The following ANK3 variants were observed in gnomAD, a reference collection of about 807,000 sequenced individuals.
ANK3 encodes the protein ankyrin 3.
In ANK3, 57 loss-of-function variants were observed where a neutral mutation model predicts 370.9. The ratio of observed to expected loss-of-function variants is 0.15; its 90% CI spans 0.12 to 0.19. The LOEUF (loss-of-function observed/expected upper bound fraction) is 0.19, where lower values mean the gene tolerates loss of function less well. Among genes scored for constraint, ANK3 ranks in the 10% least tolerant of loss-of-function variants. ANK3 has a pLI of 1.00. For missense variants in ANK3, 4,439 were observed against 5,302.1 expected (o/e 0.84, Z 5.06); for synonymous variants, 1,929 against 1,946.3 (o/e 0.99, Z 0.23).
In ANK3 at chr10:60,335,059, ACACCATGTTG is replaced by A. The variant is rs1312428199; in HGVS notation, c.114+54356_114+54365del. The stretch of plus-strand genomic sequence containing the variant: ...GGGGCTAGGTCCTCTATTTCAACTT[ACACCATGTTG>A]AGAAAATGGATTTTAAGAAAAATGT... On this transcript the variant is annotated intron_variant, in intron 1 of 43. Coordinates refer to ENST00000280772, the MANE Select transcript of ANK3 (RefSeq NM_020987.5). Among the ~76,000 whole-genome samples the A allele has an allele frequency of 3.3e-5, 5 of 152,106 alleles. No individual in the cohort carries two copies. In the East Asian group the frequency reaches 9.6e-4, roughly 29 times the overall value.
At chr10:60,662,608 T>C (rs1390585261) in intron 1 of ANK3, among the ~76,000 whole-genome samples, 7 of 152,190 alleles carry the variant, frequency 4.6e-5, no homozygotes, top group Admixed American at 3.3e-4. Context: ...AAGAAACATA[T>C]AAAATATACT....
intron 1 of ANK3, among the ~76,000 whole-genome samples, chr10:60,705,193 T>C (rs1004520177): frequency 3.9e-5 from 6 of 152,188 alleles, no homozygotes; most frequent in African/African-American, 1.4e-4. Context: ...TGTTGTCTTT[T>C]GAGTTAAGTG....
At chr10:60,040,537 A>C (rs185960519) in intron 43 of ANK3, among the ~76,000 whole-genome samples, 1 of 152,316 alleles carries the variant, frequency 6.6e-6, no homozygotes, top group Admixed American at 6.5e-5. Context: ...ATTCATATGA[A>C]TCTACCCAAC....
intron 2 of ANK3, among the ~76,000 whole-genome samples, chr10:60,550,605 ACT>A (rs1248930835): frequency 1.3e-5 from 2 of 152,062 alleles, no homozygotes; most frequent in Non-Finnish European, 2.9e-5. Context: ...AGTAAAATAC[ACT>A]CTCTAAAAAA....
rs2062906843 is a variant in ANK3 at position 60,389,504 on chromosome 10, C to T, written c.35G>A (p.Arg12Lys). 1.2e-6 allele frequency: 2 copies of T among 1,613,914 alleles called. No individual in the cohort carries two copies. Among genetic ancestry groups the T allele is most frequent in the East Asian group, 4.5e-5 (2 of 44,878 alleles). ...TTCTTCAGCATTGATTTCTAAATCC[C>T]TGTTTTTCTTTAATTGTGAGGCTGC... is the stretch of plus-strand genomic sequence containing the variant. ...AHAASQLKKNRDLEINAEEEP... is the reference protein window; with the variant it reads ...AHAASQLKKNKDLEINAEEEP... The change falls in exon 1 of 44, where the codon AGG (arginine) becomes AAG (lysine). Residue 12 changes from arginine (R) to lysine (K), a missense_variant. Physicochemically the swap from Arg to Lys is conservative, Grantham distance 26 (BLOSUM62 2). Around this residue, in one of 13 missense-constraint regions of ANK3, gnomAD observed 54 missense variants for 52.7 expected, o/e 1.02. Transcript: ENST00000280772.
At chr10:60,539,031 A>G (rs2076786968) in intron 2 of ANK3, among the ~76,000 whole-genome samples, 1 of 151,908 alleles carries the variant, frequency 6.6e-6, no homozygotes, top group Non-Finnish European at 1.5e-5. Context: ...AAGTAGTAAT[A>G]AAAGCCAAAG....
chr10:60,435,272 C>T (rs559781211), intron 2 of ANK3, among the ~76,000 whole-genome samples: 6 of 152,238 alleles, frequency 3.9e-5, no homozygotes, highest in South Asian at 4.1e-4. Flanking sequence ...TTGTTTCCTA[C>T]TAATTTGATG....
intron 2 of ANK3, among the ~76,000 whole-genome samples, chr10:60,450,506 C>T (rs1254765083): frequency 6.6e-6 from 1 of 151,878 alleles, no homozygotes; most frequent in East Asian, 1.9e-4. Context: ...GCATTGTTAG[C>T]CAAAGAAGTG....
At chr10:60,211,147 G>A (rs963246404) in intron 9 of ANK3, among the ~76,000 whole-genome samples, 1 of 152,168 alleles carries the variant, frequency 6.6e-6, no homozygotes, top group South Asian at 2.1e-4. Context: ...ACTTGGGGCT[G>A]CAAATAAGAT....
At chr10:60,706,163 T>C (rs940559429) in intron 1 of ANK3, among the ~76,000 whole-genome samples, 2 of 152,186 alleles carry the variant, frequency 1.3e-5, no homozygotes, top group African/African-American at 4.8e-5. Flanking sequence ...TGATTCTCTC[T>C]TGACAGAGCA....
intron 2 of ANK3, among the ~76,000 whole-genome samples, chr10:60,484,066 C>T (rs2075290782): frequency 6.6e-6 from 1 of 152,132 alleles, no homozygotes; most frequent in Admixed American, 6.6e-5. Context: ...AACTCACATC[C>T]TAAATGAAGA....
At chr10:60,496,529 T>A (rs1437888350) in intron 2 of ANK3, among the ~76,000 whole-genome samples, 1 of 151,526 alleles carries the variant, frequency 6.6e-6, no homozygotes, top group Non-Finnish European at 1.5e-5. Flanking sequence ...TAACATTTCG[T>A]CTCTGGGGGA....
chr10:60,273,742 G>T (rs944005790), intron 4 of ANK3, among the ~76,000 whole-genome samples: 2 of 152,058 alleles, frequency 1.3e-5, no homozygotes, highest in Non-Finnish European at 2.9e-5. Context: ...CATGGGGGGG[G>T]TTTCCCCCAC....
chr10:60,124,334 TTTTA>T (rs938500441), intron 25 of ANK3, among the ~76,000 whole-genome samples: 5 of 137,936 alleles, frequency 3.6e-5, no homozygotes, highest in Admixed American at 7.5e-5. Flanking sequence ...GCTGATTTTA[TTTTA>T]TTTTTTTTTG....
chr10:60,341,622 A>AT (rs1028904913), intron 1 of ANK3, among the ~76,000 whole-genome samples: 3 of 151,990 alleles, frequency 2.0e-5, no homozygotes, highest in African/African-American at 7.3e-5. Context: ...GTGCCTGTCC[A>AT]TTTTTCCCAA....
At chr10:60,177,849 C>T (rs1362159197) in intron 18 of ANK3, among the ~76,000 whole-genome samples, 3 of 152,010 alleles carry the variant, frequency 2.0e-5, no homozygotes, top group South Asian at 2.1e-4. Context: ...ATCTGGCCGC[C>T]GCGGCCTCCC....
chr10:60,704,866 C>A (rs953126218), intron 1 of ANK3, among the ~76,000 whole-genome samples: 1 of 152,088 alleles, frequency 6.6e-6, no homozygotes, highest in African/African-American at 2.4e-5. Context: ...GAAAAATAAT[C>A]GTGTTTTAAA....
intron 1 of ANK3, chr10:60,685,009 G>T: frequency 6.5e-7 from 1 of 1,546,776 alleles, no homozygotes. Flanking sequence ...GCCTACCTGC[G>T]CAATCATAGG....
chr10:60,671,073 C>G (rs1486236680), intron 1 of ANK3, among the ~76,000 whole-genome samples: 1 of 152,176 alleles, frequency 6.6e-6, no homozygotes, highest in Non-Finnish European at 1.5e-5. Context: ...TACCACATGA[C>G]TCCTTTCATA....
Sources: allele counts gnomAD v4.1 joint callset (sites outside exome capture counted in the v4.1 genomes callset), GRCh38; gene constraint gnomAD v4.1.1; regional missense constraint gnomAD v4.1.1; transcripts MANE v1.5; gene names NCBI Gene and HGNC (gene_info 2026-07-23, HGNC 2026-07-21).